CFAP74: variants seen among roughly 807,000 people sequenced by gnomAD.
CFAP74 encodes the protein cilia- and flagella-associated protein 74.
Under a neutral mutation model 188.9 loss-of-function variants are expected in CFAP74, and 124 were observed. The ratio of observed to expected loss-of-function variants is 0.66; its 90% confidence interval spans 0.57 to 0.76. The LOEUF is 0.76. Among genes scored for constraint, CFAP74 ranks in the 30% least tolerant of loss-of-function variants. CFAP74 has a pLI of 0.00. For missense variants in CFAP74, 2,198 were observed against 2,165.2 expected (o/e 1.02, Z -0.30); for synonymous variants, 956 against 916.7 (o/e 1.04, Z -0.77).
Position 1,981,539 on chromosome 1 carries a change from G to A in CFAP74, c.500+3847C>T, listed in dbSNP as rs1171886384. Among the ~76,000 whole-genome samples the A allele has an allele frequency of 1.4e-4, 17 of 120,556 alleles. 2 individuals are homozygous for A. Among genetic ancestry groups the A allele is most frequent in the Non-Finnish European group, 2.5e-4 (15 of 60,902 alleles). The allele number at this position is 120,556 out of a possible 152,430, so 79.1% of individuals were successfully genotyped here. A position where few individuals can be genotyped will look rare whatever the true frequency, so the allele number is the denominator to read the frequency against. ...GACATGGGGGCACGCAGGACACACAGCCGCGGACAGACACGGGGGGCACAC... is the reference window on the plus strand; with the variant it reads ...GACATGGGGGCACGCAGGACACACAACCGCGGACAGACACGGGGGGCACAC... On this transcript the variant is annotated intron_variant, in intron 6 of 38. Transcript: ENST00000682832.
In CFAP74 at chr1:1,964,908, G is replaced by C. The variant is rs1230895387; in HGVS notation, c.1555C>G (p.Pro519Ala). The C allele has an allele frequency of 1.9e-6, 3 of 1,613,654 alleles. No homozygotes were observed. The highest frequency in any genetic ancestry group is 2.5e-6 in the Non-Finnish European group (3 of 1,179,952). Reference protein sequence around the residue: ...EFQGRPFNSKPELLHFQDFDI... With the variant: ...EFQGRPFNSKAELLHFQDFDI... Reference sequence around the variant, plus strand: ...CTCACCTGGAAGTGGAGGAGCTCCGGTTTGCTGTTGAAGGGGCGTCCTTGG... The same window carrying C: ...CTCACCTGGAAGTGGAGGAGCTCCGCTTTGCTGTTGAAGGGGCGTCCTTGG... The change falls in exon 13 of 39, where the codon CCG (proline) becomes GCG (alanine). Residue 519 changes from proline to alanine, a missense_variant. Transcript: ENST00000682832.
chr1:1,971,433 A>ATGTG (rs1656067313), intron 9 of CFAP74, among the ~76,000 whole-genome samples: 1 of 152,236 alleles, frequency 6.6e-6, no homozygotes. Context: ...ACACATGCAA[A>ATGTG]CGTGCACACA....
In CFAP74 at chr1:1,923,527, T is replaced by G; in HGVS notation, c.4390-28A>C. The G allele has an allele frequency of 6.3e-7, 1 of 1,596,330 alleles. No homozygotes were observed. Among genetic ancestry groups the G allele is most frequent in the Non-Finnish European group, 8.6e-7 (1 of 1,167,568 alleles). Reference sequence around the variant, plus strand: ...GGGGACAAGAAGTGGAGTGGCCTTGTCCCCGAAGCTCGGCGGCAGGGGTCC... The same window carrying G: ...GGGGACAAGAAGTGGAGTGGCCTTGGCCCCGAAGCTCGGCGGCAGGGGTCC... On this transcript the variant is annotated intron_variant, in intron 35 of 38. Coordinates refer to ENST00000682832, the MANE Select transcript of CFAP74 (RefSeq NM_001304360.2). The surrounding 1 kb of genome is among the most constrained non-coding windows in gnomAD (Gnocchi z 6.3).
intron 11 of CFAP74, among the ~76,000 whole-genome samples, chr1:1,966,927 C>T (rs1011442124): frequency 2.6e-5 from 4 of 151,564 alleles, no homozygotes; most frequent in African/African-American, 9.7e-5. Flanking sequence ...ACTTCTATCT[C>T]CCGGGTTCAC....
In CFAP74 at chr1:1,939,679, G is replaced by C. The variant is rs1205818834; in HGVS notation, c.2792C>G (p.Thr931Ser). ...TTCCGTCCTGATGGCCTCATAGATG[G>C]TGCAGTAGCCAAAATCCACCTCCGA... ...SPSEVDFGYC[T>S]IYEAIRTEIS... Residue 931 changes from threonine (T) to serine (S), a missense_variant, in exon 24 of 39, where the codon ACC becomes AGC. Transcript: ENST00000682832. 6.5e-7 allele frequency: 1 copy of C among 1,536,084 alleles called. No individual in the cohort carries two copies. The highest frequency in any genetic ancestry group is 1.2e-5 in the South Asian group (1 of 84,058).
At chr1:1,932,043 G>C (rs1652428337) in intron 25 of CFAP74, among the ~76,000 whole-genome samples, 1 of 135,940 alleles carries the variant, frequency 7.4e-6, no homozygotes, top group Non-Finnish European at 1.5e-5. Flanking sequence ...TCCAGTCTGG[G>C]TGACAGAGTG....
In CFAP74 at chr1:1,972,966, G is replaced by T; in HGVS notation, c.756C>A (p.Ala252=). ...LEDARKNHKV[A]VRFLKASLGR... ...CCAGGGAGGCCTTCAGGAACCGCAC[G>T]GCAACCTTGTGGTTCTTCCGGGCGT... Residue 252 remains alanine (A), a synonymous_variant, in exon 8 of 39, where the codon GCC becomes GCA. Transcript: ENST00000682832. The T allele has an allele frequency of 6.2e-7, 1 of 1,614,000 alleles. No homozygotes were observed. Among genetic ancestry groups the T allele is most frequent in the Non-Finnish European group, 8.5e-7 (1 of 1,179,996 alleles).
chr1:1,988,167 G>C (rs1558062320), intron 4 of CFAP74: 1 of 508,084 alleles, frequency 2.0e-6, no homozygotes. Flanking sequence ...TCATGTCTGT[G>C]ATTTGCTTTA....
intron 14 of CFAP74, among the ~76,000 whole-genome samples, chr1:1,962,494 A>AAG (rs1473358198): frequency 6.6e-6 from 1 of 150,586 alleles, no homozygotes; most frequent in Non-Finnish European, 1.5e-5. Context: ...AAAAAAAAAA[A>AAG]GTAAGTTACT....
At chr1:2,000,558 C>T (rs1399506293) in intron 1 of CFAP74, among the ~76,000 whole-genome samples, 1 of 152,182 alleles carries the variant, frequency 6.6e-6, no homozygotes, top group Non-Finnish European at 1.5e-5. Context: ...TGGAAGCCAT[C>T]GTCTAAAACC....
intron 18 of CFAP74, chr1:1,955,438 G>C: frequency 1.3e-6 from 2 of 1,519,920 alleles, no homozygotes; most frequent in Non-Finnish European, 1.8e-6. Context: ...CCCGTGCTGG[G>C]CCTGCTGGGC....
At chr1:1,941,428 A>G (rs1022906646) in intron 22 of CFAP74, among the ~76,000 whole-genome samples, 9 of 152,242 alleles carry the variant, frequency 5.9e-5, no homozygotes, top group African/African-American at 2.2e-4. Context: ...CAGAAATCAA[A>G]GTTCACCTGG....
intron 1 of CFAP74, among the ~76,000 whole-genome samples, chr1:1,995,948 C>T (rs1489150590): frequency 1.3e-5 from 2 of 152,112 alleles, no homozygotes; most frequent in South Asian, 4.2e-4. Flanking sequence ...ACAACAAACC[C>T]AAGAACAACC....
intron 4 of CFAP74, among the ~76,000 whole-genome samples, chr1:1,987,486 G>T (rs1657311767): frequency 6.6e-6 from 1 of 152,150 alleles, no homozygotes; most frequent in South Asian, 2.1e-4. Context: ...GCTCCTGGGG[G>T]CGACTCAGGC....
In CFAP74 at chr1:1,923,426, AG is replaced by A. The variant is rs753357875; in HGVS notation, c.4462del (p.Leu1488TrpfsTer8). On this transcript the variant is annotated frameshift_variant, in exon 36 of 39. Coordinates refer to ENST00000682832, the MANE Select transcript of CFAP74 (RefSeq NM_001304360.2). LOFTEE classifies it high-confidence loss of function. The surrounding 1 kb of genome is among the most constrained non-coding windows in gnomAD (Gnocchi z 6.3). ...HMMFVEGGDPLDVPVESLTAI... is the reference protein window; with the variant it reads ...HMMFVEGGDPXDVPVESLTAI... ...TGTCAGAGACTCCACGGGCACGTCCAGGGGGTCGCCGCCCTCCACGAACATC... is the reference window on the plus strand; with the variant it reads ...TGTCAGAGACTCCACGGGCACGTCCAGGGGTCGCCGCCCTCCACGAACATC... 3 of 1,603,596 alleles carry A rather than the reference AG, an allele frequency of 1.9e-6. No homozygotes were observed. Among genetic ancestry groups the A allele is most frequent in the South Asian group, 2.2e-5 (2 of 89,250 alleles).
intron 1 of CFAP74, among the ~76,000 whole-genome samples, chr1:1,996,026 C>T (rs558265522): frequency 3.4e-4 from 52 of 152,126 alleles, no homozygotes; most frequent in African/African-American, 1.1e-3. Context: ...ACTCTGTCGC[C>T]CACGCTGGAG....
chr1:1,947,830 A>G (rs533868988), intron 18 of CFAP74, among the ~76,000 whole-genome samples: 10 of 151,870 alleles, frequency 6.6e-5, no homozygotes, highest in African/African-American at 2.2e-4. Context: ...CACCATGCAC[A>G]TCATTTCTGG....
rs544441296 is a variant in CFAP74, at chr1:1,982,991, C to T, written c.500+2395G>A. Among the ~76,000 whole-genome samples the T allele has an allele frequency of 1.7e-3, 263 of 152,356 alleles. 1 individual carries two copies. The highest frequency in any genetic ancestry group is 6.1e-3 in the African/African-American group (252 of 41,592). ...CTGAGCCTCTCACTGTGCCCGAAAA[C>T]GCCCACAGAGCGGCAGACACGAACG... On this transcript the variant is annotated intron_variant, in intron 6 of 38. Coordinates refer to ENST00000682832, the MANE Select transcript of CFAP74 (RefSeq NM_001304360.2).
At chr1:1,957,621 G>A (rs1319292741) in intron 16 of CFAP74, among the ~76,000 whole-genome samples, 2 of 152,218 alleles carry the variant, frequency 1.3e-5, no homozygotes, top group African/African-American at 4.8e-5. Context: ...CCAAATGCGG[G>A]AGAGGCCGGG....
Sources: gnomAD v4.1 joint callset for allele counts (sites outside exome capture counted in the v4.1 genomes callset) on GRCh38, gnomAD v4.1.1 for gene constraint, Gnocchi (gnomAD v3.1) non-coding constraint, MANE v1.5 for transcripts, NCBI Gene and HGNC (gene_info 2026-07-23, HGNC 2026-07-21) for gene names.